ATRNL1: variants seen among roughly 807,000 people sequenced by gnomAD.
ATRNL1 encodes attractin like 1.
In ATRNL1, 95 loss-of-function variants were observed where a neutral mutation model predicts 182.7. The ratio of observed to expected loss-of-function variants is 0.52; its 90% CI spans 0.44 to 0.62. ATRNL1 has a LOEUF of 0.62. Ranked by LOEUF, ATRNL1 falls within the 20% of genes least tolerant of loss-of-function variation. The probability of loss-of-function intolerance (pLI) is 0.00; values close to 1 mark genes in which losing one functional copy is unlikely to be tolerated. For missense variants in ATRNL1, 1,471 were observed against 1,679.5 expected (o/e 0.88, Z 2.17); for synonymous variants, 576 against 568.3 (o/e 1.01, Z -0.19).
At chr10:115,607,040 A>G (rs573740042) in intron 26 of ATRNL1, among the ~76,000 whole-genome samples, 1 of 152,136 alleles carries the variant, frequency 6.6e-6, no homozygotes, top group African/African-American at 2.4e-5. Context: ...TTTCTCAATG[A>G]CTTTTTACTC....
intron 28 of ATRNL1, among the ~76,000 whole-genome samples, chr10:115,924,826 A>G (rs543966957): frequency 1.3e-5 from 2 of 152,320 alleles, no homozygotes; most frequent in Admixed American, 6.5e-5. Context: ...GGATCTATAA[A>G]TTACTTTGGG....
At chr10:115,097,660 T>C (rs1431804431) in intron 1 of ATRNL1, among the ~76,000 whole-genome samples, 1 of 152,188 alleles carries the variant, frequency 6.6e-6, no homozygotes, top group Non-Finnish European at 1.5e-5. Context: ...GCTTGGTGTC[T>C]CACGCCTGTA....
intron 17 of ATRNL1, among the ~76,000 whole-genome samples, chr10:115,311,037 A>T (rs1853994977): frequency 6.6e-6 from 1 of 151,618 alleles, no homozygotes; most frequent in African/African-American, 2.4e-5. Flanking sequence ...CAGAATTTAA[A>T]ACTTTCCATC....
chr10:115,844,052 A>G (rs1950872434), intron 27 of ATRNL1, among the ~76,000 whole-genome samples: 1 of 152,090 alleles, frequency 6.6e-6, no homozygotes, highest in African/African-American at 2.4e-5. Context: ...TGCTTAATAA[A>G]TGTTAGCTAT....
intron 26 of ATRNL1, among the ~76,000 whole-genome samples, chr10:115,558,737 G>T (rs1241640534): frequency 2.0e-5 from 3 of 152,004 alleles, no homozygotes; most frequent in Non-Finnish European, 2.9e-5. Context: ...TTAGAAATTT[G>T]CTCAAATTGG....
At chr10:115,678,894 G>A (rs1555043834) in intron 26 of ATRNL1, among the ~76,000 whole-genome samples, 1 of 152,096 alleles carries the variant, frequency 6.6e-6, no homozygotes, top group Admixed American at 6.6e-5. Flanking sequence ...TGAGACCTAG[G>A]AACTGATAAA....
At chr10:115,230,933 T>C (rs1279021406) in intron 9 of ATRNL1, among the ~76,000 whole-genome samples, 3 of 84,714 alleles carry the variant, frequency 3.5e-5, no homozygotes, top group Non-Finnish European at 7.4e-5. Context: ...AAGAGAGAAA[T>C]AGTGAAAGAT....
chr10:115,874,597 A>G (rs927374504), intron 28 of ATRNL1, among the ~76,000 whole-genome samples: 1 of 152,232 alleles, frequency 6.6e-6, no homozygotes, highest in Non-Finnish European at 1.5e-5. Flanking sequence ...AATAGATAAT[A>G]TGGGTATCTT....
chr10:115,182,313 G>A (rs574302525), intron 8 of ATRNL1, among the ~76,000 whole-genome samples: 43 of 151,460 alleles, frequency 2.8e-4, no homozygotes, highest in African/African-American at 9.9e-4. Context: ...ATAAAATTAG[G>A]TAAGAAAGAT....
Position 115,360,335 on chromosome 10 carries a change from T to C in ATRNL1, c.3175+25916T>C, listed in dbSNP as rs1305669212. On this transcript the variant is annotated intron_variant, in intron 19 of 28. Transcript: ENST00000355044. ...AAAAGTTCTATTTAATTTGTTTGTT[T>C]TGACATAAGTCCATGTGAAAGAGCT... Among the ~76,000 whole-genome samples, 5 of 150,304 alleles carry C rather than the reference T, an allele frequency of 3.3e-5. No individual in the cohort carries two copies. In the East Asian group the frequency reaches 9.7e-4, roughly 29 times the overall value.
intron 10 of ATRNL1, among the ~76,000 whole-genome samples, chr10:115,257,571 A>G (rs1368356265): frequency 4.6e-5 from 7 of 150,756 alleles, no homozygotes; most frequent in African/African-American, 1.5e-4. Context: ...ATGGATCTTG[A>G]CTTTGTCTTT....
At chr10:115,535,354 C>G (rs1851909524) in intron 25 of ATRNL1, among the ~76,000 whole-genome samples, 2 of 152,022 alleles carry the variant, frequency 1.3e-5, no homozygotes, top group South Asian at 4.2e-4. Flanking sequence ...TCATTTCATT[C>G]ATTTCATCTT....
chr10:115,542,849 A>G (rs1852437048), intron 25 of ATRNL1, among the ~76,000 whole-genome samples: 1 of 152,162 alleles, frequency 6.6e-6, no homozygotes, highest in Non-Finnish European at 1.5e-5. Context: ...CTGCCTTCAC[A>G]CTGTGTACTC....
chr10:115,582,645 G>A (rs1555008091), intron 26 of ATRNL1, among the ~76,000 whole-genome samples: 1 of 144,138 alleles, frequency 6.9e-6, no homozygotes, highest in East Asian at 2.2e-4. Flanking sequence ...CTGGATATTA[G>A]CCCTTTGTCA....
chr10:115,790,635 TA>T (rs34894694), intron 27 of ATRNL1, among the ~76,000 whole-genome samples: 6,282 of 139,772 alleles, frequency 0.045, 163 homozygotes, highest in African/African-American at 0.083. Context: ...TAACTTGACT[TA>T]AAAAAAAAAA....
intron 26 of ATRNL1, among the ~76,000 whole-genome samples, chr10:115,594,572 T>C (rs2804210): frequency 0.29 from 44,416 of 152,162 alleles, 7,677 homozygotes; most frequent in East Asian, 0.68. Flanking sequence ...AGTGGCGCGA[T>C]CGTGGCTCAC....
intron 17 of ATRNL1, among the ~76,000 whole-genome samples, chr10:115,315,222 G>C (rs1234155876): frequency 6.6e-6 from 1 of 152,028 alleles, no homozygotes; most frequent in Non-Finnish European, 1.5e-5. Context: ...AAAAGTTCTA[G>C]TACTGCCAAA....
At chr10:115,388,562 G>A (rs959576770) in intron 19 of ATRNL1, among the ~76,000 whole-genome samples, 27 of 151,998 alleles carry the variant, frequency 1.8e-4, no homozygotes, top group Admixed American at 5.2e-4. Flanking sequence ...CATGTAGTTG[G>A]TTGTGCTTTA....
intron 1 of ATRNL1, chr10:115,096,695 A>C (rs2085019410): frequency 7.8e-7 from 1 of 1,288,772 alleles, no homozygotes; most frequent in Admixed American, 2.3e-5. Flanking sequence ...TGAGGATAGA[A>C]GATTGATAGT....
Sources: gnomAD v4.1 joint callset for allele counts (sites outside exome capture counted in the v4.1 genomes callset) on GRCh38, gnomAD v4.1.1 for gene constraint, MANE v1.5 for transcripts, NCBI Gene and HGNC (gene_info 2026-07-23, HGNC 2026-07-21) for gene names.